Variants in PCDH9 observed in about 807,000 individuals in gnomAD.
The protein encoded by PCDH9 is protocadherin-9.
PCDH9 carries 24 observed loss-of-function variants against 70.6 expected under a neutral mutation model. That is an observed-to-expected ratio of 0.34 (90% CI 0.25 to 0.48). The LOEUF (loss-of-function observed/expected upper bound fraction) is 0.48. PCDH9 is among the 20% of genes least tolerant of loss of function. PCDH9 has a pLI of 0.99. For synonymous variants in PCDH9, 562 were observed against 558.5 expected (o/e 1.01, Z -0.09); for missense variants, 1,281 against 1,503.6 (o/e 0.85, Z 2.45).
At chr13:66,566,968 C>A (rs2076661480) in intron 4 of PCDH9, among the ~76,000 whole-genome samples, 1 of 151,782 alleles carries the variant, frequency 6.6e-6, no homozygotes, top group Admixed American at 6.6e-5. Context: ...CACAGCAAAT[C>A]CACTAGGATC....
intron 4 of PCDH9, among the ~76,000 whole-genome samples, chr13:66,312,286 T>C (rs1372020996): frequency 6.6e-6 from 1 of 152,184 alleles, no homozygotes; most frequent in African/African-American, 2.4e-5. Context: ...GAATCAAACT[T>C]TCCAATGCTA....
intron 2 of PCDH9, among the ~76,000 whole-genome samples, chr13:66,951,510 T>C (rs1038015431): frequency 2.0e-5 from 3 of 151,498 alleles, no homozygotes; most frequent in Non-Finnish European, 2.9e-5. Context: ...ACAAATGAAA[T>C]TGTCATCAAA....
chr13:66,889,217 G>C (rs371300534), intron 3 of PCDH9, among the ~76,000 whole-genome samples: 1 of 152,200 alleles, frequency 6.6e-6, no homozygotes, highest in African/African-American at 2.4e-5. Context: ...CCTGATTACT[G>C]TGTAGACTGG....
chr13:66,417,816 G>T (rs559441124), intron 4 of PCDH9, among the ~76,000 whole-genome samples: 2 of 152,312 alleles, frequency 1.3e-5, no homozygotes, highest in African/African-American at 4.8e-5. Context: ...TTTGAAAAGT[G>T]TCTGTTCATA....
chr13:66,675,407 G>T lies in PCDH9; in HGVS notation c.3139-43996C>A, dbSNP rs75730264. On this transcript the variant is annotated intron_variant, in intron 3 of 4. Coordinates refer to ENST00000377865, the MANE Select transcript of PCDH9 (RefSeq NM_203487.3). ...CCTGGCCCTCAAAGTTGCAAACTTA[G>T]TAGAGTCTGCATAGAATTGGGTTGA... Among the ~76,000 whole-genome samples, 346 of 152,228 alleles carry T rather than the reference G, an allele frequency of 2.3e-3. 1 individual carries two copies. Among genetic ancestry groups the T allele is most frequent in the African/African-American group, 8.2e-3 (340 of 41,558 alleles).
intron 2 of PCDH9, among the ~76,000 whole-genome samples, chr13:66,980,742 G>GTTTTTTTTTTTTTTTTT (rs550869529): frequency 4.7e-5 from 5 of 107,378 alleles, no homozygotes; most frequent in African/African-American, 1.4e-4. Context: ...TTTTTTTTTT[G>GTTTTTTTTTTTTTTTTT]TTTTTTTTTT....
At chr13:66,385,152 T>C (rs150758939) in intron 4 of PCDH9, among the ~76,000 whole-genome samples, 3 of 152,310 alleles carry the variant, frequency 2.0e-5, no homozygotes, top group Non-Finnish European at 4.4e-5. Flanking sequence ...TAGCATAATG[T>C]CCTCCAGGTA....
At chr13:67,185,826 G>T (rs554983489) in intron 2 of PCDH9, among the ~76,000 whole-genome samples, 18 of 152,202 alleles carry the variant, frequency 1.2e-4, no homozygotes, top group Non-Finnish European at 2.5e-4. Context: ...TCCGCCTCCC[G>T]GATTCAAGCA....
At position 67,226,855 on chromosome 13, in the gene PCDH9, A is replaced by C; in HGVS notation, c.1586T>G (p.Val529Gly). 6.2e-7 allele frequency: 1 copy of C among 1,614,140 alleles called. No individual in the cohort carries two copies. The highest frequency in any genetic ancestry group is 8.5e-7 in the Non-Finnish European group (1 of 1,180,022). The part of the protein sequence containing the change: ...RKTGVLTASR[V>G]FDREEQERFI... ...TCGTTCTTGTTCTTCTCTGTCAAATACTCTGGAGGCTGTCAAAACTCCTGT... is the reference window on the plus strand; with the variant it reads ...TCGTTCTTGTTCTTCTCTGTCAAATCCTCTGGAGGCTGTCAAAACTCCTGT... The change falls in exon 2 of 5, where the codon GTA becomes GGA. Residue 529 changes from valine to glycine, a missense_variant. Coordinates refer to ENST00000377865, the MANE Select transcript of PCDH9 (RefSeq NM_203487.3). This position sits in a 1 kb window ranked among gnomAD's most constrained non-coding sequence, Gnocchi z 5.0.
intron 4 of PCDH9, among the ~76,000 whole-genome samples, chr13:66,510,274 C>G (rs1959401955): frequency 6.6e-6 from 1 of 151,936 alleles, no homozygotes; most frequent in South Asian, 2.1e-4. Context: ...ATCTACTGCT[C>G]AAGAATCTAA....
At chr13:66,970,845 GTTTA>G (rs1027016525) in intron 2 of PCDH9, among the ~76,000 whole-genome samples, 4 of 151,964 alleles carry the variant, frequency 2.6e-5, no homozygotes, top group Admixed American at 6.6e-5. Context: ...GAGGGCATCT[GTTTA>G]TTTATTTATC....
At chr13:66,986,046 T>G (rs1166345286) in intron 2 of PCDH9, among the ~76,000 whole-genome samples, 1 of 152,036 alleles carries the variant, frequency 6.6e-6, no homozygotes, top group Non-Finnish European at 1.5e-5. Flanking sequence ...GGGTAATTAA[T>G]TTTAAAAAAG....
intron 4 of PCDH9, among the ~76,000 whole-genome samples, chr13:66,307,669 G>GA (rs1184270107): frequency 2.6e-5 from 4 of 151,600 alleles, no homozygotes; most frequent in African/African-American, 9.7e-5. Context: ...TCTCCAAAGA[G>GA]AAAAAAAATT....
At chr13:67,000,343 AG>A (rs1156954621) in intron 2 of PCDH9, among the ~76,000 whole-genome samples, 7 of 56,032 alleles carry the variant, frequency 1.2e-4, no homozygotes, top group Non-Finnish European at 2.3e-4. Context: ...GGGGTGGGGG[AG>A]GGGGGAGGGA....
chr13:67,147,500 G>A (rs2087551613), intron 2 of PCDH9, among the ~76,000 whole-genome samples: 4 of 152,144 alleles, frequency 2.6e-5, no homozygotes, highest in African/African-American at 9.7e-5. Flanking sequence ...GCAGCCTGCA[G>A]TGTCCCTGGA....
chr13:67,094,578 G>C (rs532275265), intron 2 of PCDH9, among the ~76,000 whole-genome samples: 1 of 151,964 alleles, frequency 6.6e-6, no homozygotes, highest in South Asian at 2.1e-4. Context: ...TGACAGAAGT[G>C]GCATAAGAAT....
intron 4 of PCDH9, among the ~76,000 whole-genome samples, chr13:66,395,745 C>T (rs1593909742): frequency 6.6e-6 from 1 of 152,146 alleles, no homozygotes; most frequent in Non-Finnish European, 1.5e-5. Flanking sequence ...TAAACCAAAA[C>T]ATCATTATGC....
chr13:66,647,798 C>T (rs908841224), intron 3 of PCDH9, among the ~76,000 whole-genome samples: 2 of 151,894 alleles, frequency 1.3e-5, no homozygotes, highest in South Asian at 2.1e-4. Context: ...CATTTCTCTA[C>T]CTGCCCTGGG....
At chr13:66,317,488 A>G (rs1239173001) in intron 4 of PCDH9, among the ~76,000 whole-genome samples, 1 of 152,216 alleles carries the variant, frequency 6.6e-6, no homozygotes, top group Non-Finnish European at 1.5e-5. Flanking sequence ...AATTCCCCAA[A>G]GTAAAATATA....
Sources: gnomAD v4.1 joint callset for allele counts (sites outside exome capture counted in the v4.1 genomes callset) on GRCh38, gnomAD v4.1.1 for gene constraint, Gnocchi (gnomAD v3.1) non-coding constraint, MANE v1.5 for transcripts, NCBI Gene and HGNC (gene_info 2026-07-23, HGNC 2026-07-21) for gene names.